The following CCS variants were observed in gnomAD, a reference collection of about 807,000 sequenced individuals.
CCS encodes superoxide dismutase copper chaperone.
A neutral mutation model predicts 35.5 loss-of-function variants in CCS; 32 were observed. The ratio of observed to expected loss-of-function variants is 0.90; its 90% CI spans 0.68 to 1.21. The LOEUF (loss-of-function observed/expected upper bound fraction) is 1.21, where lower values mean the gene tolerates loss of function less well. Ranked by LOEUF, CCS falls within the 50% of genes most tolerant of loss-of-function variation. CCS has a pLI of 0.00. For synonymous variants in CCS, 130 were observed against 147.2 expected, an observed-to-expected ratio of 0.88 and a Z score of 0.84; for missense variants, 342 against 375.4, an observed-to-expected ratio of 0.91 and a Z score of 0.73.
At chr11:66,600,583 GAGAGGACCCAA>G (rs763986035) in intron 5 of CCS, 34 bp downstream of exon 5, 2 of 1,311,762 alleles carry the variant, frequency 1.5e-6, no homozygotes, top group Admixed American at 5.0e-5. Context: ...CTTGGGCTGA[GAGAGGACCCAA>G]AGTCTCAGAG....
At chr11:66,605,230 T>C in intron 5 of CCS, 109 bp from the exon 6 acceptor site, 1 of 1,557,102 alleles carries the variant, frequency 6.4e-7, no homozygotes, top group Non-Finnish European at 8.7e-7. Flanking sequence ...CAGGAGGAAA[T>C]GGGTACTTTA....
intron 2 of CCS, 80 bp downstream of exon 2, chr11:66,593,794 C>T (rs1458807169): frequency 5.4e-6 from 7 of 1,304,252 alleles, no homozygotes; most frequent in Admixed American, 1.8e-5. Context: ...GCGAACCCTA[C>T]TCCCATTTTA....
intron 2 of CCS, among the ~76,000 whole-genome samples, chr11:66,596,022 C>T (rs1243235916): frequency 6.6e-6 from 1 of 152,196 alleles, no homozygotes; most frequent in African/African-American, 2.4e-5. Flanking sequence ...GTAAGAACCT[C>T]ATCCTTTGAT....
At chr11:66,605,280 A>G in intron 5 of CCS, 59 bp from the exon 6 acceptor site, 1 of 1,607,364 alleles carries the variant, frequency 6.2e-7, no homozygotes, top group Non-Finnish European at 8.5e-7. Flanking sequence ...AAATCAGAAG[A>G]TAGCAGCTTG....
chr11:66,600,387 G>A (rs954198442), intron 4 of CCS, 102 bp from the exon 5 acceptor site: 61 of 697,574 alleles, frequency 8.7e-5, no homozygotes, highest in Non-Finnish European at 1.2e-4. Context: ...TTTGTTGAAT[G>A]AATGAATGAA....
At chr11:66,600,264 A>G in intron 4 of CCS, 1 of 385,300 alleles carries the variant, frequency 2.6e-6, no homozygotes. Flanking sequence ...CTGTGATATA[A>G]CTAGTTGTTT....
intron 1 of CCS, 114 bp from the exon 2 acceptor site, chr11:66,593,528 G>A: frequency 1.7e-6 from 2 of 1,147,876 alleles, no homozygotes; most frequent in Non-Finnish European, 2.5e-6. Flanking sequence ...TTGAAGAGGG[G>A]TTAAGTGGGG....
chr11:66,605,462 A>G (rs1048483410), intron 6 of CCS, 27 bp from the exon 7 acceptor site: 13 of 1,613,722 alleles, frequency 8.1e-6, no homozygotes, highest in Non-Finnish European at 1.1e-5. Flanking sequence ...AGGGTCCATC[A>G]TCTGAAGCTG....
chr11:66,595,995 A>C (rs933374413), intron 2 of CCS, among the ~76,000 whole-genome samples: 2 of 151,776 alleles, frequency 1.3e-5, no homozygotes, highest in South Asian at 2.1e-4. Context: ...AGGCCACCCC[A>C]CCTCTCCCTA....
intron 5 of CCS, 68 bp from the exon 6 acceptor site, chr11:66,605,271 A>T (rs1287868859): frequency 6.2e-7 from 1 of 1,603,076 alleles, no homozygotes; most frequent in Non-Finnish European, 8.5e-7. Flanking sequence ...GGAATCAGGA[A>T]ATCAGAAGAT....
chr11:66,596,802 T>A (rs1858485092), intron 2 of CCS, among the ~76,000 whole-genome samples: 1 of 152,146 alleles, frequency 6.6e-6, no homozygotes, highest in African/African-American at 2.4e-5. Context: ...AGGGGGAGTG[T>A]GAGCTGCTAC....
chr11:66,593,924 CTTG>C (rs1206387521), intron 2 of CCS, among the ~76,000 whole-genome samples: 5 of 152,180 alleles, frequency 3.3e-5, no homozygotes, highest in East Asian at 1.9e-4. Flanking sequence ...AACTGCCTGT[CTTG>C]TTGTCCTGAA....
intron 2 of CCS, among the ~76,000 whole-genome samples, chr11:66,598,227 C>T (rs896516248): frequency 1.1e-4 from 17 of 151,960 alleles, no homozygotes; most frequent in African/African-American, 3.9e-4. Flanking sequence ...CACAGCCAGG[C>T]GTGATGGCTC....
At chr11:66,599,274 T>C (rs1858532435) in intron 3 of CCS, 21 bp downstream of exon 3, 6 of 1,574,620 alleles carry the variant, frequency 3.8e-6, no homozygotes, top group Non-Finnish European at 5.2e-6. Context: ...ACTGTGGCCT[T>C]GGCCCCTCTC....
chr11:66,605,658 G>A (rs1228305447), intron 7 of CCS, 44 bp from the exon 8 acceptor site: 1 of 1,580,080 alleles, frequency 6.3e-7, no homozygotes, highest in Non-Finnish European at 8.6e-7. Context: ...CCCAGGGGTG[G>A]GGGCCAAACA....
In CCS at chr11:66,593,708, G is replaced by A; in HGVS notation, c.106G>A (p.Val36Met). Residue 36 changes from valine (V) to methionine (M), a missense_variant, in exon 2 of 8, where the codon GTG (valine) becomes ATG (methionine). Physicochemically the swap from Val to Met is conservative, Grantham distance 21. Coordinates refer to ENST00000533244, the MANE Select transcript of CCS (RefSeq NM_005125.2). The part of the protein sequence containing the change: ...VDAVRKSLQG[V>M]AGVQDVEVHL... ...CGCGGTGCGCAAATCCCTGCAAGGG[G>A]TGGCAGGTAAGAACAGGGTAAACTT... The A allele has an allele frequency of 6.2e-7, 1 of 1,614,050 alleles. No individual in the cohort carries two copies.
chr11:66,605,677 C>T (rs776242640), intron 7 of CCS, 25 bp from the exon 8 acceptor site: 12 of 1,574,954 alleles, frequency 7.6e-6, no homozygotes, highest in South Asian at 1.2e-5. Flanking sequence ...CAGGTACCCA[C>T]CCCTGACCAC....
chr11:66,594,528 C>T (rs1024288299), intron 2 of CCS, among the ~76,000 whole-genome samples: 2 of 152,148 alleles, frequency 1.3e-5, no homozygotes, highest in South Asian at 4.1e-4. Flanking sequence ...GTAATCCCAG[C>T]ACTTTGGGAC....
intron 2 of CCS, among the ~76,000 whole-genome samples, chr11:66,596,649 G>T (rs1301488063): frequency 6.6e-6 from 1 of 152,234 alleles, no homozygotes; most frequent in African/African-American, 2.4e-5. Flanking sequence ...CAAAGTGCTG[G>T]GATTACAGGC....
Sources: gnomAD v4.1 joint callset for allele counts (sites outside exome capture counted in the v4.1 genomes callset) on GRCh38, gnomAD v4.1.1 for gene constraint, MANE v1.5 for transcripts, NCBI Gene and HGNC (gene_info 2026-07-23, HGNC 2026-07-21) for gene names.